The following LRRTM4 variants were observed in gnomAD, a reference collection of about 807,000 sequenced individuals.
LRRTM4 encodes the protein leucine rich repeat transmembrane neuronal 4, also known as leucine-rich repeat transmembrane neuronal protein 4.
LRRTM4 carries 25 observed loss-of-function variants against 47.6 expected under a neutral mutation model. The ratio of observed to expected loss-of-function variants is 0.53; its 90% CI spans 0.38 to 0.73. LRRTM4 has a LOEUF of 0.73. Among genes scored for constraint, LRRTM4 ranks in the 30% least tolerant of loss-of-function variants. The probability of loss-of-function intolerance (pLI) is 0.00; values close to 1 mark genes in which losing one functional copy is unlikely to be tolerated. For missense variants in LRRTM4, 638 were observed against 713.4 expected (o/e 0.89, Z 1.20); for synonymous variants, 311 against 269.5 (o/e 1.15, Z -1.51).
intron 3 of LRRTM4, among the ~76,000 whole-genome samples, chr2:76,858,998 G>A (rs997547474): frequency 6.6e-6 from 1 of 152,092 alleles, no homozygotes; most frequent in Non-Finnish European, 1.5e-5. Context: ...CTTTTCTCAG[G>A]GGAAAGGCTA....
At chr2:77,061,462 T>G (rs1425414062) in intron 3 of LRRTM4, among the ~76,000 whole-genome samples, 1 of 152,152 alleles carries the variant, frequency 6.6e-6, no homozygotes, top group Non-Finnish European at 1.5e-5. Flanking sequence ...CCATTCAGTG[T>G]GATACAGAAG....
intron 3 of LRRTM4, among the ~76,000 whole-genome samples, chr2:76,827,341 A>G (rs558631878): frequency 6.6e-6 from 1 of 151,942 alleles, no homozygotes; most frequent in South Asian, 2.1e-4. Context: ...GAGAAGGGTC[A>G]AACGCCAGGG....
intron 3 of LRRTM4, among the ~76,000 whole-genome samples, chr2:77,014,585 G>A (rs1303282555): frequency 6.6e-6 from 1 of 151,718 alleles, no homozygotes; most frequent in South Asian, 2.1e-4. Flanking sequence ...GCTGAGGTAG[G>A]CAGATCGCCT....
chr2:77,409,449 C>T (rs1674337492), intron 3 of LRRTM4, among the ~76,000 whole-genome samples: 2 of 152,126 alleles, frequency 1.3e-5, no homozygotes, highest in Admixed American at 6.5e-5. Flanking sequence ...GCCTTAATCC[C>T]ATTCACAAGG....
chr2:77,251,776 G>T (rs1349830374), intron 3 of LRRTM4, among the ~76,000 whole-genome samples: 1 of 152,120 alleles, frequency 6.6e-6, no homozygotes, highest in Non-Finnish European at 1.5e-5. Context: ...GCTAATGGCT[G>T]CATGGGGTTC....
intron 3 of LRRTM4, among the ~76,000 whole-genome samples, chr2:76,900,967 T>C (rs1673606193): frequency 6.6e-6 from 1 of 152,182 alleles, no homozygotes. Context: ...TCTTTCTCTC[T>C]TTTTTTGGAG....
At chr2:76,803,423 C>T (rs1558664640) in intron 3 of LRRTM4, among the ~76,000 whole-genome samples, 1 of 151,892 alleles carries the variant, frequency 6.6e-6, no homozygotes, top group African/African-American at 2.4e-5. Flanking sequence ...GGTAAAATGG[C>T]TATTATAAGA....
chr2:77,302,535 GT>G (rs879921888), intron 3 of LRRTM4, among the ~76,000 whole-genome samples: 14 of 152,142 alleles, frequency 9.2e-5, no homozygotes, highest in Non-Finnish European at 1.9e-4. Flanking sequence ...TAGCAGTGTT[GT>G]TTTGATAATT....
chr2:77,031,154 ATATC>A (rs140554098), intron 3 of LRRTM4, among the ~76,000 whole-genome samples: 2,005 of 152,300 alleles, frequency 0.013, 50 homozygotes, highest in African/African-American at 0.046. Flanking sequence ...ATATAGCAAA[ATATC>A]TATTTCTACA....
At chr2:76,756,275 C>G (rs963627931) in intron 3 of LRRTM4, among the ~76,000 whole-genome samples, 3 of 152,180 alleles carry the variant, frequency 2.0e-5, no homozygotes, top group African/African-American at 4.8e-5. Context: ...CTGAATCCAT[C>G]TATGACCTGT....
intron 3 of LRRTM4, among the ~76,000 whole-genome samples, chr2:77,136,618 T>C (rs899907239): frequency 2.9e-4 from 44 of 152,142 alleles, no homozygotes; most frequent in African/African-American, 1.0e-3. Context: ...AGAACAAAGC[T>C]GGATAGAGAA....
At chr2:77,490,144 G>A (rs1678080913) in intron 3 of LRRTM4, among the ~76,000 whole-genome samples, 1 of 152,030 alleles carries the variant, frequency 6.6e-6, no homozygotes, top group Non-Finnish European at 1.5e-5. Context: ...CAGCTACTCA[G>A]GAGGCTGAGG....
intron 3 of LRRTM4, among the ~76,000 whole-genome samples, chr2:77,360,199 TG>T (rs1672129846): frequency 6.6e-6 from 1 of 152,124 alleles, no homozygotes; most frequent in African/African-American, 2.4e-5. Flanking sequence ...GGCTCACGCC[TG>T]TAATCCCAGT....
At chr2:76,936,127 A>C (rs370883646) in intron 3 of LRRTM4, among the ~76,000 whole-genome samples, 33 of 152,318 alleles carry the variant, frequency 2.2e-4, no homozygotes, top group East Asian at 2.1e-3. Flanking sequence ...TCCTATAAGG[A>C]AACATGCTCA....
chr2:77,334,508 T>G (rs909409246), intron 3 of LRRTM4, among the ~76,000 whole-genome samples: 1 of 152,168 alleles, frequency 6.6e-6, no homozygotes, highest in Non-Finnish European at 1.5e-5. Context: ...AACAATAATT[T>G]TCTGCACAAG....
intron 3 of LRRTM4, among the ~76,000 whole-genome samples, chr2:76,830,043 C>A (rs1671303014): frequency 6.6e-6 from 1 of 151,956 alleles, no homozygotes; most frequent in East Asian, 1.9e-4. Flanking sequence ...TTACAGAACT[C>A]TGAGCATCTT....
chr2:77,154,602 A>G (rs952950487), intron 3 of LRRTM4, among the ~76,000 whole-genome samples: 4 of 152,198 alleles, frequency 2.6e-5, no homozygotes, highest in Non-Finnish European at 5.9e-5. Flanking sequence ...CTTTTAATCT[A>G]ATAATCTAGA....
At chr2:77,343,419 T>G (rs1671446675) in intron 3 of LRRTM4, among the ~76,000 whole-genome samples, 1 of 151,966 alleles carries the variant, frequency 6.6e-6, no homozygotes, top group Non-Finnish European at 1.5e-5. Context: ...TTGGATTTTA[T>G]TTTATGTATA....
At chr2:77,326,160 C>T (rs780270620) in intron 3 of LRRTM4, among the ~76,000 whole-genome samples, 1 of 152,158 alleles carries the variant, frequency 6.6e-6, no homozygotes, top group African/African-American at 2.4e-5. Context: ...TTAGATCATA[C>T]CATTTTGTTC....
Sources: allele counts gnomAD v4.1 joint callset (sites outside exome capture counted in the v4.1 genomes callset), GRCh38; gene constraint gnomAD v4.1.1; transcripts MANE v1.5; gene names NCBI Gene and HGNC (gene_info 2026-07-23, HGNC 2026-07-21).